SEZ6L: variants seen among roughly 807,000 people sequenced by gnomAD.
SEZ6L encodes seizure related 6 homolog like.
A neutral mutation model predicts 106.2 loss-of-function variants in SEZ6L; 37 were observed. That is an observed-to-expected ratio of 0.35 (90% CI 0.27 to 0.46). The LOEUF is 0.46. SEZ6L is among the 20% of genes least tolerant of loss of function. SEZ6L has a pLI of 1.00. For synonymous variants in SEZ6L, 541 were observed against 570.4 expected (o/e 0.95, Z 0.73); for missense variants, 1,172 against 1,332.8 (o/e 0.88, Z 1.88).
intron 9 of SEZ6L, among the ~76,000 whole-genome samples, chr22:26,322,247 A>G (rs914934252): frequency 2.0e-5 from 3 of 152,212 alleles, no homozygotes; most frequent in Non-Finnish European, 2.9e-5. Flanking sequence ...TGGGTTGGGT[A>G]TGACAGCACA....
intron 13 of SEZ6L, among the ~76,000 whole-genome samples, chr22:26,372,850 G>T (rs535678197): frequency 3.9e-5 from 6 of 152,288 alleles, no homozygotes; most frequent in African/African-American, 1.4e-4. Flanking sequence ...AATTAGAGAG[G>T]TTTACATAGA....
intron 9 of SEZ6L, among the ~76,000 whole-genome samples, chr22:26,335,373 C>T (rs1432690847): frequency 6.6e-6 from 1 of 152,156 alleles, no homozygotes; most frequent in African/African-American, 2.4e-5. Context: ...AATCTTATAA[C>T]CCTAAGTATC....
chr22:26,340,308 GAC>G lies in SEZ6L; in HGVS notation c.2016-124_2016-123del, dbSNP rs1291306750. 2.2e-4 allele frequency: 176 copies of G among 803,744 alleles called. 1 individual carries two copies. The highest frequency in any genetic ancestry group is 5.2e-4 in the South Asian group (30 of 57,576). The allele number at this position is 803,744 out of a possible 1,614,324, so 49.8% of individuals were successfully genotyped here. A position where few individuals can be genotyped will look rare whatever the true frequency, so the allele number is the denominator to read the frequency against. On this transcript the variant is annotated intron_variant, in intron 9 of 16. Coordinates refer to ENST00000248933, the MANE Select transcript of SEZ6L (RefSeq NM_021115.5). ...AATCTTACCCTCAGCTTGGGGTTAAGACACATAGCCTGGAGCCTGACACATAC... is the reference window on the plus strand; with the variant it reads ...AATCTTACCCTCAGCTTGGGGTTAAGACATAGCCTGGAGCCTGACACATAC...
chr22:26,256,343 A>G (rs1340101085), intron 1 of SEZ6L, among the ~76,000 whole-genome samples: 1 of 152,244 alleles, frequency 6.6e-6, no homozygotes. Flanking sequence ...GGAGGAAACC[A>G]ACATATGAAT....
intron 1 of SEZ6L, among the ~76,000 whole-genome samples, chr22:26,278,249 G>A (rs548880846): frequency 1.3e-5 from 2 of 152,310 alleles, no homozygotes. Context: ...CCTAACAGTT[G>A]CTCTGGGAAT....
intron 1 of SEZ6L, among the ~76,000 whole-genome samples, chr22:26,176,266 C>T (rs116292173): frequency 1.4e-3 from 218 of 152,334 alleles, no homozygotes; most frequent in African/African-American, 5.0e-3. Context: ...CCAAAGCCCA[C>T]GCTTGTTCTA....
At chr22:26,192,761 C>G (rs1940319729) in intron 1 of SEZ6L, among the ~76,000 whole-genome samples, 1 of 152,156 alleles carries the variant, frequency 6.6e-6, no homozygotes, top group Admixed American at 6.5e-5. Context: ...TTTAACATCC[C>G]TCCTGCATTT....
chr22:26,217,380 C>T (rs2078328350), intron 1 of SEZ6L, among the ~76,000 whole-genome samples: 1 of 152,224 alleles, frequency 6.6e-6, no homozygotes, highest in African/African-American at 2.4e-5. Flanking sequence ...TTCGGCCACA[C>T]TGATCTTCTT....
chr22:26,319,142 A>G (rs1462132943), intron 9 of SEZ6L, among the ~76,000 whole-genome samples: 2 of 152,124 alleles, frequency 1.3e-5, no homozygotes, highest in Admixed American at 1.3e-4. Context: ...TCTTTCTCCC[A>G]CACCCTGTAG....
chr22:26,284,992 G>A (rs759606677), intron 1 of SEZ6L, among the ~76,000 whole-genome samples: 64 of 152,144 alleles, frequency 4.2e-4, no homozygotes, highest in Middle Eastern at 3.4e-3. Context: ...TCCTAAGAGG[G>A]AATGAACTCT....
At chr22:26,274,699 G>A (rs931652516) in intron 1 of SEZ6L, among the ~76,000 whole-genome samples, 10 of 152,160 alleles carry the variant, frequency 6.6e-5, no homozygotes, top group African/African-American at 2.2e-4. Context: ...AGGTACATGA[G>A]GCAGAGTCCT....
chr22:26,381,159 C>T lies in SEZ6L; in HGVS notation c.*864C>T, dbSNP rs1415086893. 2 of 152,086 alleles carry T rather than the reference C, an allele frequency of 1.3e-5. No individual in the cohort carries two copies. Among genetic ancestry groups the T allele is most frequent in the Non-Finnish European group, 2.9e-5 (2 of 68,032 alleles). The allele number at this position is 152,086 out of a possible 1,614,324, so 9.4% of individuals were successfully genotyped here. On this transcript the variant is annotated 3_prime_UTR_variant, in exon 17 of 17. Coordinates refer to ENST00000248933, the MANE Select transcript of SEZ6L (RefSeq NM_021115.5). ...CCATGTTCAGCAAGCCACTCTCAAG[C>T]TGTGGTAATAAACACACAGGCTTGG...
In SEZ6L at chr22:26,365,545, G is replaced by A. The variant is rs762130870; in HGVS notation, c.2773G>A (p.Gly925Arg). 122 of 1,613,802 alleles carry A rather than the reference G, an allele frequency of 7.6e-5. No homozygotes were observed. The highest frequency in any genetic ancestry group is 9.8e-5 in the Non-Finnish European group (116 of 1,179,894). ...CCTGGGACAGCCATCCCACTGGAAC[G>A]GGCCCCTGCCCGTGTGTAAAGGTAA... The part of the protein sequence containing the change: ...CILGQPSHWN[G>R]PLPVCKVNQD... Residue 925 changes from glycine (G) to arginine (R), a missense_variant, in exon 13 of 17, where the codon GGG becomes AGG. This residue lies in a region of SEZ6L where 141 missense variants were observed against 176.0 expected (regional missense o/e 0.80). Coordinates refer to ENST00000248933, the MANE Select transcript of SEZ6L (RefSeq NM_021115.5).
intron 8 of SEZ6L, 54 bp downstream of exon 8, chr22:26,312,016 G>A: frequency 6.4e-7 from 1 of 1,553,718 alleles, no homozygotes; most frequent in African/African-American, 1.4e-5. Flanking sequence ...TCCACCCTTT[G>A]GATGAGAAGA....
At chr22:26,351,541 GTTT>G (rs2083282887) in intron 12 of SEZ6L, 5 of 216,950 alleles carry the variant, frequency 2.3e-5, no homozygotes, top group Non-Finnish European at 4.1e-5. Flanking sequence ...TTGTTTGTTT[GTTT>G]GTTGGTTGGT....
chr22:26,338,287 A>G (rs749844750), intron 9 of SEZ6L, among the ~76,000 whole-genome samples: 1 of 152,176 alleles, frequency 6.6e-6, no homozygotes, highest in Non-Finnish European at 1.5e-5. Flanking sequence ...GCAGGCTTCT[A>G]TGCCTATCCC....
chr22:26,365,316 G>A, intron 12 of SEZ6L, 56 bp from the exon 13 acceptor site: 1 of 1,509,962 alleles, frequency 6.6e-7, no homozygotes, highest in South Asian at 1.2e-5. Context: ...GTTCTGAGCA[G>A]GACTCCCCAA....
intron 13 of SEZ6L, 53 bp downstream of exon 13, chr22:26,365,619 T>C: frequency 6.6e-7 from 1 of 1,515,672 alleles, no homozygotes. Flanking sequence ...GATGTCAGGC[T>C]CCTGGCTCAC....
rs188449795 is a variant in SEZ6L at position 26,196,488 on chromosome 22, G to A, written c.94+26725G>A. ...TGGCAAATGAGGGCAAGCCTGCTCA[G>A]AAATGGGGTGGAAGACAAAGTCAGG... On this transcript the variant is annotated intron_variant, in intron 1 of 16. Transcript: ENST00000248933. Among the ~76,000 whole-genome samples the A allele has an allele frequency of 6.3e-3, 963 of 152,330 alleles. 7 individuals are homozygous for A. The highest frequency in any genetic ancestry group is 8.7e-3 in the Non-Finnish European group (591 of 68,026).
Sources: gnomAD v4.1 joint callset for allele counts (sites outside exome capture counted in the v4.1 genomes callset) on GRCh38, gnomAD v4.1.1 for gene constraint, gnomAD v4.1.1 regional missense constraint, MANE v1.5 for transcripts, NCBI Gene and HGNC (gene_info 2026-07-23, HGNC 2026-07-21) for gene names.